Variants in HK1 observed in about 807,000 individuals in gnomAD.
HK1 encodes the protein hexokinase-1.
Under a neutral mutation model 91.6 loss-of-function variants are expected in HK1, and 28 were observed. The ratio of observed to expected loss-of-function variants is 0.31; its 90% CI spans 0.23 to 0.42. The LOEUF (loss-of-function observed/expected upper bound fraction) is 0.42, where lower values mean the gene tolerates loss of function less well. HK1 is among the 10% of genes least tolerant of loss of function. HK1 has a pLI of 1.00. For synonymous variants in HK1, 430 were observed against 468.1 expected (o/e 0.92, Z 1.05); for missense variants, 770 against 1,219.8 (o/e 0.63, Z 5.49).
At chr10:69,390,769 T>C (rs1353239710) in intron 14 of HK1, among the ~76,000 whole-genome samples, 1 of 152,212 alleles carries the variant, frequency 6.6e-6, no homozygotes, top group Non-Finnish European at 1.5e-5. Context: ...TTGTTAGAGA[T>C]GCAGGCTCTC....
chr10:69,383,028 C>T (rs1384213621), intron 10 of HK1, among the ~76,000 whole-genome samples: 1 of 152,168 alleles, frequency 6.6e-6, no homozygotes, highest in African/African-American at 2.4e-5. Context: ...ATCTCTAAAA[C>T]CACAGCCCTG....
rs902443855 is a variant in HK1 at position 69,369,042 on chromosome 10, G to C, written c.592-195G>C. On this transcript the variant is annotated intron_variant, in intron 5 of 17. Coordinates refer to ENST00000359426, the MANE Select transcript of HK1 (RefSeq NM_000188.3). The surrounding 1 kb of genome is among the most constrained non-coding windows in gnomAD (Gnocchi z 4.4). Reference sequence around the variant, plus strand: ...AAAGACTCTTAAGCCAGGTAATTAAGGAAACTGTGAGGTTTTCATCATTTA... The same window carrying C: ...AAAGACTCTTAAGCCAGGTAATTAACGAAACTGTGAGGTTTTCATCATTTA... Among the ~76,000 whole-genome samples the C allele has an allele frequency of 2.0e-5, 3 of 152,208 alleles. No homozygotes were observed. The highest frequency in any genetic ancestry group is 7.2e-5 in the African/African-American group (3 of 41,460).
Position 69,368,621 on chromosome 10 carries a change from A to G in HK1, c.581A>G (p.Lys194Arg), listed in dbSNP as rs190318420. The G allele has an allele frequency of 5.0e-6, 8 of 1,613,686 alleles. No homozygotes were observed. Among genetic ancestry groups the G allele is most frequent in the African/African-American group, 2.7e-5 (2 of 75,058 alleles). ...DVVKLLNKAI[K>R]KRGDYDANIV... ...GTCAAACTGCTTAACAAAGCCATCA[A>G]AAAGCGAGGGGTAATTTCTCCTGGG... The change falls in exon 5 of 18, where the codon AAA becomes AGA. Residue 194 changes from lysine to arginine, a missense_variant. Transcript: ENST00000359426.
intron 4 of HK1, among the ~76,000 whole-genome samples, chr10:69,366,508 AG>A (rs912953651): frequency 6.6e-6 from 1 of 152,118 alleles, no homozygotes; most frequent in African/African-American, 2.4e-5. Flanking sequence ...AGGTCTCCCC[AG>A]GGTCACAGGG....
intron 8 of HK1, among the ~76,000 whole-genome samples, chr10:69,379,471 G>C (rs561019831): frequency 6.6e-6 from 1 of 152,174 alleles, no homozygotes; most frequent in Non-Finnish European, 1.5e-5. Context: ...ATTTCACTGA[G>C]AGACATCAAG....
chr10:69,362,115 G>C (rs572943995), intron 3 of HK1, among the ~76,000 whole-genome samples: 2 of 152,190 alleles, frequency 1.3e-5, no homozygotes, highest in Non-Finnish European at 2.9e-5. Context: ...AGCACAAATG[G>C]AACATTCTTA....
chr10:69,386,780 AAATAAATAAAT>A (rs1295037978), intron 13 of HK1: 45 of 158,242 alleles, frequency 2.8e-4, no homozygotes, highest in Admixed American at 2.7e-3. Context: ...CTCCATCTCT[AAATAAATAAAT>A]AAATAAATAA....
intron 8 of HK1, among the ~76,000 whole-genome samples, chr10:69,378,054 C>T (rs1234297838): frequency 6.6e-6 from 1 of 152,210 alleles, no homozygotes; most frequent in Admixed American, 6.5e-5. Flanking sequence ...ACCAACTCTT[C>T]TGCCAAATCC....
chr10:69,401,731 T>A lies in HK1; in HGVS notation c.*596T>A, dbSNP rs1042416551. 1.5e-5 allele frequency: 3 copies of A among 201,252 alleles called. No homozygotes were observed. The highest frequency in any genetic ancestry group is 7.1e-5 in the African/African-American group (3 of 42,094). The allele number at this position is 201,252 out of a possible 1,614,324, so 12.5% of individuals were successfully genotyped here. A position where few individuals can be genotyped will look rare whatever the true frequency, so the allele number is the denominator to read the frequency against. On this transcript the variant is annotated 3_prime_UTR_variant, in exon 18 of 18. Coordinates refer to ENST00000359426, the MANE Select transcript of HK1 (RefSeq NM_000188.3). ...GCGTGTGACAGTCTTGCATTCTGTT[T>A]GTCTCGTGGGGGGAGGTGGACAGTC...
chr10:69,382,319 G>A (rs1446878501), intron 9 of HK1, among the ~76,000 whole-genome samples, 168 bp from the exon 10 acceptor site: 1 of 152,188 alleles, frequency 6.6e-6, no homozygotes, highest in African/African-American at 2.4e-5. Flanking sequence ...AGGCAGCAGT[G>A]AGCTGTGATT....
intron 1 of HK1, among the ~76,000 whole-genome samples, chr10:69,331,501 A>T (rs1847713425): frequency 6.6e-6 from 1 of 152,240 alleles, no homozygotes; most frequent in Admixed American, 6.5e-5. Flanking sequence ...CTGATTTGAG[A>T]TGTGCTGTGG....
At chr10:69,328,928 C>T (rs978603533) in intron 1 of HK1, among the ~76,000 whole-genome samples, 1 of 151,884 alleles carries the variant, frequency 6.6e-6, no homozygotes, top group Admixed American at 6.6e-5. Context: ...TGTGTCTAGC[C>T]TCTTTTATTT....
intron 5 of HK1, among the ~76,000 whole-genome samples, chr10:69,368,885 A>C (rs1413515719): frequency 6.6e-6 from 1 of 152,138 alleles, no homozygotes; most frequent in Non-Finnish European, 1.5e-5. Context: ...TGGGCTATTC[A>C]GGGAGTGGGT....
At chr10:69,276,104 A>ATATATAT (rs1564746670) in intron 1 of HK1, among the ~76,000 whole-genome samples, 1 of 46,946 alleles carries the variant, frequency 2.1e-5, no homozygotes, top group African/African-American at 7.4e-5. Flanking sequence ...AAAAAAAAAA[A>ATATATAT]AAAAAAAAAA....
chr10:69,289,308 C>A (rs1005720369), intron 3 of HK1, among the ~76,000 whole-genome samples: 1 of 152,048 alleles, frequency 6.6e-6, no homozygotes, highest in African/African-American at 2.4e-5. Flanking sequence ...GTTCTGTATC[C>A]CCCTGGTTAA....
chr10:69,361,743 C>T (rs1849429872), intron 3 of HK1, among the ~76,000 whole-genome samples: 2 of 152,226 alleles, frequency 1.3e-5, no homozygotes, highest in Non-Finnish European at 2.9e-5. Flanking sequence ...TTCTTCCTCT[C>T]CTCCTTTTAA....
At chr10:69,394,901 TCTC>T in intron 15 of HK1, 46 bp from the exon 16 acceptor site, 1 of 1,602,472 alleles carries the variant, frequency 6.2e-7, no homozygotes, top group Non-Finnish European at 8.5e-7. Flanking sequence ...GGGTGACAGT[TCTC>T]CTGGCCACTT....
intron 4 of HK1, among the ~76,000 whole-genome samples, chr10:69,298,274 G>T (rs1162443273): frequency 1.3e-5 from 2 of 151,744 alleles, no homozygotes; most frequent in African/African-American, 4.9e-5. Context: ...ATGTTATTTG[G>T]GTTTAATTAG....
chr10:69,389,992 A>C (rs998777345), intron 14 of HK1, among the ~76,000 whole-genome samples: 20 of 152,186 alleles, frequency 1.3e-4, no homozygotes, highest in Non-Finnish European at 2.8e-4. Context: ...GAAAGACCCC[A>C]GGGAGTTTCT....
Sources: gnomAD v4.1 joint callset for allele counts (sites outside exome capture counted in the v4.1 genomes callset) on GRCh38, gnomAD v4.1.1 for gene constraint, Gnocchi (gnomAD v3.1) non-coding constraint, MANE v1.5 for transcripts, NCBI Gene and HGNC (gene_info 2026-07-23, HGNC 2026-07-21) for gene names.